The following GLIS3 variants were observed in gnomAD, a reference collection of about 807,000 sequenced individuals.
GLIS3 encodes GLIS family zinc finger 3, also known as zinc finger protein GLIS3.
GLIS3 carries 53 observed loss-of-function variants against 78.6 expected under a neutral mutation model. The ratio of observed to expected loss-of-function variants is 0.67; its 90% CI spans 0.54 to 0.85. The LOEUF is 0.85. GLIS3 is among the 40% of genes least tolerant of loss of function. The pLI, the probability that GLIS3 is intolerant of heterozygous loss-of-function variation, is 0.00. For missense variants in GLIS3, 1,703 were observed against 1,231.1 expected, an observed-to-expected ratio of 1.38 and a Z score of -5.74; for synonymous variants, 684 against 509.9, an observed-to-expected ratio of 1.34 and a Z score of -4.60.
intron 4 of GLIS3, among the ~76,000 whole-genome samples, chr9:4,046,867 G>T (rs985943703): frequency 6.6e-6 from 1 of 152,172 alleles, no homozygotes; most frequent in African/African-American, 2.4e-5. Context: ...CTTCATCTAG[G>T]TATTGCCAGA....
chr9:4,404,997 G>A, the GLIS3 span, among the ~76,000 whole-genome samples: 1 of 152,102 alleles, frequency 6.6e-6, no homozygotes, highest in African/African-American at 2.4e-5. Context: ...GAAAAAAAGA[G>A]GGGAGACCCA....
At chr9:4,020,963 A>G (rs537207983) in intron 4 of GLIS3, among the ~76,000 whole-genome samples, 2 of 152,336 alleles carry the variant, frequency 1.3e-5, no homozygotes, top group East Asian at 1.9e-4. Context: ...TCTATGCGCT[A>G]GAGAAAGTAG....
intron 2 of GLIS3, among the ~76,000 whole-genome samples, chr9:4,184,679 G>C (rs35638232): frequency 0.17 from 25,771 of 152,212 alleles, 2,307 homozygotes; most frequent in Middle Eastern, 0.25. Flanking sequence ...CCTGGTTGGA[G>C]GGGAGATTTA....
At chr9:4,342,755 T>C (rs1273633405) in intron 2 of GLIS3, among the ~76,000 whole-genome samples, 4 of 152,238 alleles carry the variant, frequency 2.6e-5, no homozygotes, top group Non-Finnish European at 5.9e-5. Context: ...CATTTGTTTG[T>C]GTCATCTCTG....
Position 4,149,071 on chromosome 9 carries a change from A to G in GLIS3, c.389-23130T>C, listed in dbSNP as rs753081346. On this transcript the variant is annotated intron_variant, in intron 2 of 10. Coordinates refer to ENST00000381971, the MANE Select transcript of GLIS3 (RefSeq NM_001042413.2). ...GTGCAGAGTTTACCTAGCTATCAAC[A>G]TGGTGATCATGCTTCCTCACCAAGA... is the stretch of plus-strand genomic sequence containing the variant. 3.9e-5 allele frequency among the ~76,000 whole-genome samples: 6 copies of G among 152,064 alleles called. No homozygotes were observed. In the East Asian group the frequency reaches 7.7e-4, roughly 19 times the overall value.
chr9:4,162,871 A>G (rs1191026699), intron 2 of GLIS3, among the ~76,000 whole-genome samples: 1 of 148,926 alleles, frequency 6.7e-6, no homozygotes, highest in African/African-American at 2.5e-5. Flanking sequence ...AAAAAAAAAA[A>G]AAAAAAAAAA....
chr9:4,171,790 G>C (rs1161391356), intron 2 of GLIS3, among the ~76,000 whole-genome samples: 1 of 152,156 alleles, frequency 6.6e-6, no homozygotes, highest in African/African-American at 2.4e-5. Context: ...AGTGTAATTT[G>C]GAACTACAGT....
intron 2 of GLIS3, among the ~76,000 whole-genome samples, chr9:4,199,506 C>G (rs532330003): frequency 6.7e-6 from 1 of 148,414 alleles, no homozygotes; most frequent in Non-Finnish European, 1.5e-5. Flanking sequence ...TATGATATAA[C>G]TTATATCATA....
At chr9:4,180,142 G>C (rs560347457) in intron 2 of GLIS3, among the ~76,000 whole-genome samples, 4 of 152,184 alleles carry the variant, frequency 2.6e-5, no homozygotes, top group African/African-American at 4.8e-5. Context: ...AGTGATAGAG[G>C]TCCTAGGATA....
chr9:4,239,721 G>A (rs72691861), intron 2 of GLIS3, among the ~76,000 whole-genome samples: 2,211 of 152,248 alleles, frequency 0.015, 23 homozygotes, highest in Middle Eastern at 0.041. Context: ...ATTGCATCTA[G>A]GACACTAAAT....
At position 3,829,465 on chromosome 9, in the gene GLIS3, C is replaced by T; in HGVS notation, c.2501G>A (p.Cys834Tyr). ...HGFYGQLQKF[C>Y]PPHYPDSQRI... Reference sequence around the variant, plus strand: ...CTGGGAATCGGGGTAGTGTGGGGGACAGAACTTCTGCAGCTGCCCATAAAA... The same window carrying T: ...CTGGGAATCGGGGTAGTGTGGGGGATAGAACTTCTGCAGCTGCCCATAAAA... The change falls in exon 10 of 11, where the codon TGT becomes TAT. Residue 834 changes from cysteine to tyrosine, a missense_variant. Transcript: ENST00000381971. 6.2e-7 allele frequency: 1 copy of T among 1,614,024 alleles called. No individual in the cohort carries two copies. The highest frequency in any genetic ancestry group is 8.5e-7 in the Non-Finnish European group (1 of 1,179,978).
At chr9:4,465,468 G>C in the GLIS3 span, among the ~76,000 whole-genome samples, 96 of 152,278 alleles carry the variant, frequency 6.3e-4, no homozygotes, top group African/African-American at 2.2e-3. Flanking sequence ...AGAATCTCTT[G>C]AACCCGGAAG....
chr9:4,034,285 A>T (rs978590533), intron 4 of GLIS3, among the ~76,000 whole-genome samples: 3 of 152,144 alleles, frequency 2.0e-5, no homozygotes, highest in Non-Finnish European at 4.4e-5. Flanking sequence ...ATACCAACAG[A>T]AAACAAGTTA....
At chr9:4,300,305 C>T (rs374185858), upstream of GLIS3, among the ~76,000 whole-genome samples, 47 of 149,736 alleles carry the variant, frequency 3.1e-4, 1 homozygote, top group East Asian at 8.9e-3. Context: ...GGAGACACTT[C>T]GCCTTCTTCC....
chr9:4,408,966 A>T, the GLIS3 span, among the ~76,000 whole-genome samples: 1 of 151,906 alleles, frequency 6.6e-6, no homozygotes, highest in Non-Finnish European at 1.5e-5. Context: ...ACATACATAC[A>T]CCCACTATGT....
At chr9:3,914,166 A>G (rs1212615744) in intron 6 of GLIS3, among the ~76,000 whole-genome samples, 3 of 151,998 alleles carry the variant, frequency 2.0e-5, no homozygotes, top group East Asian at 3.9e-4. Context: ...TTTTTTAGAG[A>G]TAGTGTGTTT....
chr9:4,435,320 T>C, the GLIS3 span, among the ~76,000 whole-genome samples: 1 of 151,624 alleles, frequency 6.6e-6, no homozygotes, highest in East Asian at 1.9e-4. Flanking sequence ...AATGGGATTA[T>C]GAAACTCAGC....
At chr9:4,111,225 A>G (rs1405902113) in intron 4 of GLIS3, among the ~76,000 whole-genome samples, 1 of 152,214 alleles carries the variant, frequency 6.6e-6, no homozygotes, top group African/African-American at 2.4e-5. Flanking sequence ...AACACAAAAC[A>G]AATATGAACT....
intron 7 of GLIS3, among the ~76,000 whole-genome samples, chr9:3,897,468 T>C (rs930228158): frequency 6.6e-6 from 1 of 152,200 alleles, no homozygotes; most frequent in South Asian, 2.1e-4. Flanking sequence ...AAAATATTTA[T>C]GTATGTGTTG....
Sources: allele counts gnomAD v4.1 joint callset (sites outside exome capture counted in the v4.1 genomes callset), GRCh38; gene constraint gnomAD v4.1.1; transcripts MANE v1.5; gene names NCBI Gene and HGNC (gene_info 2026-07-23, HGNC 2026-07-21).